The following FYB1 variants were observed in gnomAD, a reference collection of about 807,000 sequenced individuals.
The protein encoded by FYB1 is FYN-binding protein 1.
FYB1 carries 41 observed loss-of-function variants against 94.1 expected under a neutral mutation model. The ratio of observed to expected loss-of-function variants is 0.44; its 90% CI spans 0.34 to 0.57. FYB1 has a LOEUF of 0.57. Ranked by LOEUF, FYB1 falls within the 20% of genes least tolerant of loss-of-function variation. The pLI is 0.02. For synonymous variants in FYB1, 367 were observed against 353.2 expected (o/e 1.04, Z -0.44); for missense variants, 1,050 against 976.8 (o/e 1.07, Z -1.00).
chr5:39,255,183 G>A (rs890534788), intron 1 of FYB1, among the ~76,000 whole-genome samples: 4 of 152,116 alleles, frequency 2.6e-5, no homozygotes, highest in Non-Finnish European at 5.9e-5. Context: ...TCATTTGGTG[G>A]ATAAATGGAG....
At chr5:39,260,991 C>T (rs700194) in intron 1 of FYB1, among the ~76,000 whole-genome samples, 3,150 of 151,930 alleles carry the variant, frequency 0.021, 125 homozygotes, top group African/African-American at 0.072. Context: ...GGGCAATTAC[C>T]CTGTATTAAG....
intron 1 of FYB1, among the ~76,000 whole-genome samples, chr5:39,241,436 A>G (rs182696112): frequency 1.3e-5 from 2 of 152,260 alleles, no homozygotes; most frequent in East Asian, 3.9e-4. Flanking sequence ...CCTGATTCTG[A>G]GACTGTACAT....
intron 1 of FYB1, among the ~76,000 whole-genome samples, chr5:39,215,071 G>A (rs188611410): frequency 2.3e-3 from 348 of 152,286 alleles, no homozygotes; most frequent in Non-Finnish European, 2.0e-3. Context: ...TAGAGTTACA[G>A]TTGGGAAAGA....
At chr5:39,143,464 T>TAGGCCA (rs570498450) in intron 3 of FYB1, among the ~76,000 whole-genome samples, 4 of 152,196 alleles carry the variant, frequency 2.6e-5, no homozygotes, top group African/African-American at 9.7e-5. Flanking sequence ...TGGAGTGGAC[T>TAGGCCA]GTTGCAGTAG....
At chr5:39,199,382 C>T (rs1354098368) in intron 2 of FYB1, among the ~76,000 whole-genome samples, 1 of 152,104 alleles carries the variant, frequency 6.6e-6, no homozygotes, top group Non-Finnish European at 1.5e-5. Context: ...ACTTAAAAAA[C>T]TTTGTGTTCA....
intron 2 of FYB1, among the ~76,000 whole-genome samples, chr5:39,181,538 G>A (rs976804514): frequency 5.3e-5 from 8 of 152,258 alleles, no homozygotes; most frequent in South Asian, 4.2e-4. Context: ...ACAATGTAGC[G>A]AGAACTGAAG....
chr5:39,135,040 A>G, intron 7 of FYB1, 26 bp from the exon 8 acceptor site: 2 of 1,605,968 alleles, frequency 1.2e-6, no homozygotes, highest in Non-Finnish European at 1.7e-6. Flanking sequence ...AATAGTCACA[A>G]AAGATTTCCT....
upstream of FYB1, among the ~76,000 whole-genome samples, chr5:39,221,107 A>G (rs901033196): frequency 1.3e-5 from 2 of 152,128 alleles, no homozygotes; most frequent in African/African-American, 4.8e-5. Flanking sequence ...TCTTGACATT[A>G]GATTTGGCCA....
chr5:39,130,358 G>T (rs936335963), intron 10 of FYB1, among the ~76,000 whole-genome samples: 1 of 152,026 alleles, frequency 6.6e-6, no homozygotes, highest in Non-Finnish European at 1.5e-5. Context: ...GTAGAGTAGG[G>T]TGACTATAAT....
At chr5:39,140,000 C>T (rs1168391809) in intron 4 of FYB1, 3 of 152,050 alleles carry the variant, frequency 2.0e-5, no homozygotes, top group Non-Finnish European at 2.9e-5. Flanking sequence ...ACTAACTCCT[C>T]AAAGGGGACT....
chr5:39,162,714 A>T (rs1422831766), intron 2 of FYB1, among the ~76,000 whole-genome samples: 2 of 95,814 alleles, frequency 2.1e-5, no homozygotes, highest in Non-Finnish European at 5.6e-5. Context: ...AATGCCGTTT[A>T]GTGATTTTTT....
chr5:39,208,336 A>C (rs975037577), intron 1 of FYB1, among the ~76,000 whole-genome samples: 1 of 152,216 alleles, frequency 6.6e-6, no homozygotes, highest in African/African-American at 2.4e-5. Flanking sequence ...AAAGGGAATA[A>C]AATGACTTCA....
At chr5:39,112,101 C>A (rs775658477) in intron 16 of FYB1, among the ~76,000 whole-genome samples, 9 of 151,918 alleles carry the variant, frequency 5.9e-5, no homozygotes, top group Non-Finnish European at 8.8e-5. Context: ...AGAGAAAAAT[C>A]TGTGCAAATA....
intron 16 of FYB1, among the ~76,000 whole-genome samples, chr5:39,115,054 G>T (rs1739399781): frequency 6.6e-6 from 1 of 151,870 alleles, no homozygotes; most frequent in Admixed American, 6.6e-5. Flanking sequence ...AGAATCATGG[G>T]CATTCCAAGT....
Position 39,230,801 on chromosome 5 carries a change from G to A in FYB1, c.-27-27814C>T, listed in dbSNP as rs113534047. Among the ~76,000 whole-genome samples, 248 of 151,250 alleles carry A rather than the reference G, an allele frequency of 1.6e-3. 3 individuals are homozygous for A. Among genetic ancestry groups the A allele is most frequent in the Middle Eastern group, 0.014 (4 of 294 alleles). On this transcript the variant is annotated intron_variant, in intron 1 of 1. Coordinates refer to the FYB1 transcript ENST00000510188. ...ACCCAACTGGACAGGGTACAGCTGA[G>A]AATTGCTGACTCTGTGAGAACTTAG...
intron 1 of FYB1, among the ~76,000 whole-genome samples, chr5:39,244,248 T>A (rs1303538735): frequency 6.6e-6 from 1 of 152,178 alleles, no homozygotes; most frequent in Non-Finnish European, 1.5e-5. Context: ...TTCCAGTTTT[T>A]GCCCATTCGG....
intron 1 of FYB1, among the ~76,000 whole-genome samples, chr5:39,268,130 AATG>A (rs1752510384): frequency 6.6e-6 from 1 of 152,216 alleles, no homozygotes; most frequent in South Asian, 2.1e-4. Context: ...ATGCATTTAA[AATG>A]ATGACATTCT....
intron 1 of FYB1, among the ~76,000 whole-genome samples, chr5:39,234,444 G>T (rs1421708113): frequency 6.6e-6 from 1 of 151,988 alleles, no homozygotes; most frequent in South Asian, 2.1e-4. Context: ...GAAATACAAA[G>T]AGGCAATTAA....
intron 3 of FYB1, among the ~76,000 whole-genome samples, chr5:39,144,718 A>G (rs569170611): frequency 6.6e-6 from 1 of 152,150 alleles, no homozygotes; most frequent in South Asian, 2.1e-4. Context: ...ACGAGAATCT[A>G]TTGAACCCGG....
Sources: allele counts gnomAD v4.1 joint callset (sites outside exome capture counted in the v4.1 genomes callset), GRCh38; gene constraint gnomAD v4.1.1; transcripts MANE v1.5; gene names NCBI Gene and HGNC (gene_info 2026-07-23, HGNC 2026-07-21).